The following SGCZ variants were observed in gnomAD, a reference collection of about 807,000 sequenced individuals.
SGCZ encodes the protein sarcoglycan zeta.
A neutral mutation model predicts 41.3 loss-of-function variants in SGCZ; 40 were observed. The ratio of observed to expected loss-of-function variants is 0.97; its 90% CI spans 0.75 to 1.26. SGCZ has a LOEUF of 1.26. Among genes scored for constraint, SGCZ ranks in the 50% most tolerant of loss-of-function variants. SGCZ has a pLI of 0.00. For missense variants in SGCZ, 552 were observed against 369.8 expected (o/e 1.49, Z -4.04); for synonymous variants, 206 against 137.5 (o/e 1.50, Z -3.49).
At chr8:14,404,497 G>A (rs1419284846) in intron 2 of SGCZ, among the ~76,000 whole-genome samples, 1 of 152,168 alleles carries the variant, frequency 6.6e-6, no homozygotes, top group Admixed American at 6.5e-5. Context: ...TGATTAAAAT[G>A]ACATTTAGAA....
intron 1 of SGCZ, among the ~76,000 whole-genome samples, chr8:15,094,579 G>C (rs1806268157): frequency 6.6e-6 from 1 of 152,114 alleles, no homozygotes; most frequent in Non-Finnish European, 1.5e-5. Context: ...GGGAGACAAG[G>C]GTATCCCACA....
chr8:14,575,093 T>A (rs988820372), intron 1 of SGCZ, among the ~76,000 whole-genome samples: 1 of 152,214 alleles, frequency 6.6e-6, no homozygotes, highest in Non-Finnish European at 1.5e-5. Flanking sequence ...TAGAGCAAAC[T>A]GATTTTTTGC....
intron 1 of SGCZ, among the ~76,000 whole-genome samples, chr8:15,221,533 T>C (rs1563192115): frequency 6.6e-6 from 1 of 152,160 alleles, no homozygotes; most frequent in Non-Finnish European, 1.5e-5. Flanking sequence ...GTCTATCCTA[T>C]CATAGGCTAG....
intron 1 of SGCZ, among the ~76,000 whole-genome samples, chr8:15,043,918 A>G (rs1211165376): frequency 3.3e-5 from 5 of 152,070 alleles, no homozygotes; most frequent in African/African-American, 7.2e-5. Context: ...GCTTTGGTTT[A>G]AGTTGACATG....
chr8:14,485,749 T>C (rs912395426), intron 2 of SGCZ, among the ~76,000 whole-genome samples: 1 of 151,942 alleles, frequency 6.6e-6, no homozygotes, highest in Non-Finnish European at 1.5e-5. Flanking sequence ...ACTAGACACA[T>C]GCAACACAGC....
chr8:14,724,315 A>G (rs558653363), intron 1 of SGCZ, among the ~76,000 whole-genome samples: 11 of 152,004 alleles, frequency 7.2e-5, no homozygotes, highest in African/African-American at 9.6e-5. Flanking sequence ...ATATATGTGT[A>G]TATATATATG....
intron 1 of SGCZ, among the ~76,000 whole-genome samples, chr8:14,775,480 T>A (rs947821200): frequency 9.9e-5 from 15 of 151,956 alleles, no homozygotes; most frequent in African/African-American, 3.6e-4. Context: ...TGTGTGTGTG[T>A]GTGTGTGTGT....
At chr8:14,642,682 C>T (rs1395290145) in intron 1 of SGCZ, among the ~76,000 whole-genome samples, 1 of 151,492 alleles carries the variant, frequency 6.6e-6, no homozygotes, top group Non-Finnish European at 1.5e-5. Context: ...TCAACATATA[C>T]ACAAGATAAC....
intron 1 of SGCZ, among the ~76,000 whole-genome samples, chr8:15,173,081 G>A (rs1027181115): frequency 6.6e-5 from 10 of 152,132 alleles, no homozygotes; most frequent in African/African-American, 9.7e-5. Flanking sequence ...AGTCTAAGGG[G>A]TTGTGTGCAG....
chr8:14,358,623 T>TA (rs1378339538), intron 2 of SGCZ, among the ~76,000 whole-genome samples: 1 of 152,080 alleles, frequency 6.6e-6, no homozygotes, highest in African/African-American at 2.4e-5. Context: ...TATATATATA[T>TA]TTTTTTGAGA....
At chr8:15,216,782 C>T (rs1276605730) in intron 1 of SGCZ, among the ~76,000 whole-genome samples, 1 of 152,016 alleles carries the variant, frequency 6.6e-6, no homozygotes, top group Non-Finnish European at 1.5e-5. Flanking sequence ...GAGTTACAAA[C>T]AGAAGACTAG....
At chr8:14,766,516 G>C (rs1004572906) in intron 1 of SGCZ, among the ~76,000 whole-genome samples, 14 of 151,838 alleles carry the variant, frequency 9.2e-5, no homozygotes, top group Non-Finnish European at 2.1e-4. Flanking sequence ...TAATCAAAAA[G>C]ACAATAATAC....
intron 1 of SGCZ, among the ~76,000 whole-genome samples, chr8:14,794,307 T>C (rs1801052112): frequency 6.6e-6 from 1 of 151,962 alleles, no homozygotes; most frequent in African/African-American, 2.4e-5. Context: ...AAAGAACATT[T>C]CTTTAAAAAT....
intron 3 of SGCZ, among the ~76,000 whole-genome samples, chr8:14,302,982 G>C (rs1801245257): frequency 6.6e-6 from 1 of 152,246 alleles, no homozygotes; most frequent in Admixed American, 6.5e-5. Flanking sequence ...CTTACACTGA[G>C]CACTTGCTCA....
At chr8:14,179,218 G>A (rs1035487136) in intron 4 of SGCZ, among the ~76,000 whole-genome samples, 1 of 152,206 alleles carries the variant, frequency 6.6e-6, no homozygotes. Context: ...GAAAAAGCCA[G>A]ATGGCATCTA....
At chr8:14,352,545 G>T (rs1284819876) in intron 2 of SGCZ, among the ~76,000 whole-genome samples, 1 of 152,082 alleles carries the variant, frequency 6.6e-6, no homozygotes, top group East Asian at 1.9e-4. Flanking sequence ...ATATTACCAG[G>T]TGCAAAAGAT....
At chr8:14,554,540 G>A (rs1421731632) in intron 2 of SGCZ, among the ~76,000 whole-genome samples, 192 bp downstream of exon 2, 1 of 151,976 alleles carries the variant, frequency 6.6e-6, no homozygotes, top group African/African-American at 2.4e-5. Flanking sequence ...ATGGCAGGTA[G>A]TAATAGCATA....
At chr8:14,964,653 G>A (rs1801072214) in intron 1 of SGCZ, among the ~76,000 whole-genome samples, 1 of 152,084 alleles carries the variant, frequency 6.6e-6, no homozygotes, top group Admixed American at 6.5e-5. Flanking sequence ...ATTGAAACAA[G>A]CGTTATGGTT....
intron 1 of SGCZ, among the ~76,000 whole-genome samples, chr8:14,726,537 T>G (rs1810063019): frequency 6.6e-6 from 1 of 151,684 alleles, no homozygotes; most frequent in African/African-American, 2.4e-5. Flanking sequence ...ACAGTATTGG[T>G]TGACCAGGAA....
Sources: allele counts gnomAD v4.1 joint callset (sites outside exome capture counted in the v4.1 genomes callset), GRCh38; gene constraint gnomAD v4.1.1; transcripts MANE v1.5; gene names NCBI Gene and HGNC (gene_info 2026-07-23, HGNC 2026-07-21).